Variants in FOXO3 observed in about 807,000 individuals in gnomAD.
FOXO3 encodes the protein forkhead box protein O3.
FOXO3 carries 4 observed loss-of-function variants against 41.9 expected under a neutral mutation model. The observed-to-expected ratio is 0.10, with a 90% CI of 0.05 to 0.22. FOXO3 has a LOEUF of 0.22. FOXO3 is among the 10% of genes least tolerant of loss of function. The probability of loss-of-function intolerance (pLI) is 1.00; values close to 1 mark genes in which losing one functional copy is unlikely to be tolerated. For missense variants in FOXO3, 534 were observed against 906.8 expected, an observed-to-expected ratio of 0.59 and a Z score of 5.28; for synonymous variants, 318 against 389.3, an observed-to-expected ratio of 0.82 and a Z score of 2.16.
At chr6:108,611,078 T>C (rs2128369293) in intron 1 of FOXO3, among the ~76,000 whole-genome samples, 1 of 148,796 alleles carries the variant, frequency 6.7e-6, no homozygotes, top group East Asian at 2.0e-4. Flanking sequence ...TTTTCTAGAA[T>C]TTCGTATAAA....
chr6:108,675,901 A>G (rs1294854779), intron 2 of FOXO3, among the ~76,000 whole-genome samples: 1 of 152,216 alleles, frequency 6.6e-6, no homozygotes, highest in African/African-American at 2.4e-5. Flanking sequence ...CAGTAGGAAC[A>G]TTTATGTTTT....
rs891247836 is a variant in FOXO3 at position 108,683,981 on chromosome 6, A to T, written c.*4189A>T. On this transcript the variant is annotated 3_prime_UTR_variant, in exon 3 of 3. Coordinates refer to ENST00000406360, the MANE Select transcript of FOXO3 (RefSeq NM_001455.4). The stretch of plus-strand genomic sequence containing the variant: ...AGCGGATGCCCAAATAAAAGAGTAT[A>T]TTTTATCTAAATCTTAAGTGGGTAA... 1.0e-4 allele frequency: 16 copies of T among 152,590 alleles called. No individual in the cohort carries two copies. Among genetic ancestry groups the T allele is most frequent in the African/African-American group, 3.6e-4 (15 of 41,422 alleles). 9.5% of individuals were successfully genotyped at this position (152,590 alleles called of 1,614,324 possible). A position where few individuals can be genotyped will look rare whatever the true frequency, so the allele number is the denominator to read the frequency against.
chr6:108,579,342 G>T (rs1054799001), intron 1 of FOXO3, among the ~76,000 whole-genome samples: 1 of 152,172 alleles, frequency 6.6e-6, no homozygotes, highest in African/African-American at 2.4e-5. Flanking sequence ...CCTGGGAAGG[G>T]TCAAGAAGGC....
At chr6:108,661,965 A>G (rs1778879299) in intron 1 of FOXO3, among the ~76,000 whole-genome samples, 2 of 152,236 alleles carry the variant, frequency 1.3e-5, no homozygotes, top group Admixed American at 1.3e-4. Flanking sequence ...ATCTTACAGT[A>G]TGTGACATTT....
chr6:108,662,742 G>A (rs1435864638), intron 1 of FOXO3, among the ~76,000 whole-genome samples: 5 of 152,172 alleles, frequency 3.3e-5, no homozygotes, highest in African/African-American at 9.7e-5. Flanking sequence ...TTAGAGAGCC[G>A]GGGAAGTTTG....
chr6:108,602,799 A>G (rs1247639261), intron 1 of FOXO3, among the ~76,000 whole-genome samples: 1 of 152,160 alleles, frequency 6.6e-6, no homozygotes, highest in Non-Finnish European at 1.5e-5. Context: ...ATAGGAACCT[A>G]TTTTGAAGCT....
intron 1 of FOXO3, among the ~76,000 whole-genome samples, chr6:108,609,511 T>C (rs1431478307): frequency 6.6e-6 from 1 of 152,182 alleles, no homozygotes; most frequent in African/African-American, 2.4e-5. Context: ...AAAATACGAT[T>C]TGGCCTATTA....
chr6:108,679,420 C>G (rs915226211), intron 2 of FOXO3, among the ~76,000 whole-genome samples: 7 of 152,132 alleles, frequency 4.6e-5, no homozygotes, highest in Non-Finnish European at 1.0e-4. Context: ...AGCGGCTCTC[C>G]TTGTTTTAGC....
chr6:108,569,074 A>G (rs1029252505), intron 1 of FOXO3, among the ~76,000 whole-genome samples: 1 of 152,240 alleles, frequency 6.6e-6, no homozygotes. Context: ...GCTGTTATGT[A>G]AAGCCTTAGT....
rs1452966327 is a variant in FOXO3, at chr6:108,683,737, C to G, written c.*3945C>G. The G allele has an allele frequency of 1.3e-5, 2 of 151,852 alleles. No homozygotes were observed. Among genetic ancestry groups the G allele is most frequent in the Non-Finnish European group, 2.9e-5 (2 of 67,982 alleles). 9.4% of individuals were successfully genotyped at this position (151,852 alleles called of 1,614,324 possible). A position where few individuals can be genotyped will look rare whatever the true frequency, so the allele number is the denominator to read the frequency against. On this transcript the variant is annotated 3_prime_UTR_variant, in exon 3 of 3. Coordinates refer to ENST00000406360, the MANE Select transcript of FOXO3 (RefSeq NM_001455.4). ...TCCTCTCTGAAAGCAAAAAGGAAAC[C>G]CTAACAGCTCTGAACTCTGGTTTTA...
chr6:108,651,900 C>T (rs972164795), intron 1 of FOXO3, among the ~76,000 whole-genome samples: 1 of 152,206 alleles, frequency 6.6e-6, no homozygotes, highest in Non-Finnish European at 1.5e-5. Flanking sequence ...TTAAGATTCA[C>T]ATAGTTTTAG....
chr6:108,592,830 G>A (rs1776765446), intron 1 of FOXO3, among the ~76,000 whole-genome samples: 1 of 152,214 alleles, frequency 6.6e-6, no homozygotes, highest in Non-Finnish European at 1.5e-5. Flanking sequence ...CATTGGTTGG[G>A]AGGGCGCTAA....
At chr6:108,660,363 A>T (rs1337687098) in intron 1 of FOXO3, among the ~76,000 whole-genome samples, 1 of 152,198 alleles carries the variant, frequency 6.6e-6, no homozygotes, top group African/African-American at 2.4e-5. Context: ...AGGAATCAGG[A>T]TATATAGTCT....
rs1770777442 is a variant in FOXO3 at position 108,679,955 on chromosome 6, A to C, written c.*163A>C. 1 of 153,082 alleles carries C rather than the reference A, an allele frequency of 6.5e-6. No individual in the cohort carries two copies. The highest frequency in any genetic ancestry group is 1.5e-5 in the Non-Finnish European group (1 of 68,226). 9.5% of individuals were successfully genotyped at this position (153,082 alleles called of 1,614,324 possible). On this transcript the variant is annotated 3_prime_UTR_variant, in exon 3 of 3. Coordinates refer to ENST00000406360, the MANE Select transcript of FOXO3 (RefSeq NM_001455.4). ...ACGCCATTTTCCTAACCCAGCAGAG[A>C]CTGTTAATGGCCCCTTACCCTGGGT...
chr6:108,643,291 A>G (rs1449442925), intron 1 of FOXO3, among the ~76,000 whole-genome samples: 1 of 152,146 alleles, frequency 6.6e-6, no homozygotes, highest in Non-Finnish European at 1.5e-5. Flanking sequence ...ACCTTTTCAG[A>G]CTTTAGTGCA....
At chr6:108,614,940 A>AT (rs1280123002) in intron 1 of FOXO3, among the ~76,000 whole-genome samples, 1 of 151,538 alleles carries the variant, frequency 6.6e-6, no homozygotes, top group East Asian at 1.9e-4. Flanking sequence ...TCTCTTTGTT[A>AT]TTTTTTAATG....
rs200832975 is a variant in FOXO3, at chr6:108,663,769, C to A, written c.936C>A (p.Arg312=). Residue 312 remains arginine (R), a synonymous_variant, in exon 2 of 3, where the codon CGC becomes CGA. Transcript: ENST00000406360. The part of the protein sequence containing the change: ...ELDAWTDFRS[R]TNSNASTVSG... ...ATGCGTGGACGGACTTCCGTTCACG[C>A]ACCAATTCTAACGCCAGCACAGTCA... The A allele has an allele frequency of 3.1e-6, 5 of 1,613,858 alleles. No homozygotes were observed. In the Admixed American group the frequency reaches 8.3e-5, roughly 27 times the overall value.
In FOXO3 at chr6:108,664,634, G is replaced by A. The variant is rs775142565; in HGVS notation, c.1801G>A (p.Val601Ile). The part of the protein sequence containing the change: ...SLYSTSANLP[V>I]MGHEKFPSDL... ...GTACTCAACTAGTGCAAACCTGCCC[G>A]TCATGGGCCATGAGAAGTTCCCCAG... Residue 601 changes from valine to isoleucine, a missense_variant, in exon 2 of 3, where the codon GTC (valine) becomes ATC (isoleucine). Physicochemically the swap from Val to Ile is conservative, Grantham distance 29 (BLOSUM62 3). Transcript: ENST00000406360. The A allele has an allele frequency of 1.2e-5, 12 of 1,002,058 alleles. No individual in the cohort carries two copies. The highest frequency in any genetic ancestry group is 2.7e-5 in the South Asian group (2 of 74,680). The allele number at this position is 1,002,058 out of a possible 1,614,324, so 62.1% of individuals were successfully genotyped here.
At chr6:108,573,485 G>C (rs923102218) in intron 1 of FOXO3, among the ~76,000 whole-genome samples, 4 of 152,072 alleles carry the variant, frequency 2.6e-5, no homozygotes, top group African/African-American at 9.7e-5. Flanking sequence ...AGGTGAACTT[G>C]GCTCCGTTAT....
Sources: allele counts gnomAD v4.1 joint callset (sites outside exome capture counted in the v4.1 genomes callset), GRCh38; gene constraint gnomAD v4.1.1; transcripts MANE v1.5; gene names NCBI Gene and HGNC (gene_info 2026-07-23, HGNC 2026-07-21).